Variants in ARHGAP6 observed in about 807,000 individuals in gnomAD.
ARHGAP6 encodes the protein Rho GTPase activating protein 6, also known as rho GTPase-activating protein 6.
Under a neutral mutation model 55.7 loss-of-function variants are expected in ARHGAP6, and 16 were observed. The ratio of observed to expected loss-of-function variants is 0.29; its 90% CI spans 0.19 to 0.44. The LOEUF (loss-of-function observed/expected upper bound fraction) is 0.44, where lower values mean the gene tolerates loss of function less well. Ranked by LOEUF, ARHGAP6 falls within the 20% of genes least tolerant of loss-of-function variation. The pLI is 1.00. For missense variants in ARHGAP6, 698 were observed against 808.9 expected (o/e 0.86, Z 1.66); for synonymous variants, 382 against 360.9 (o/e 1.06, Z -0.66).
Position 11,174,568 on chromosome X carries a change from TCCTTCC to T in ARHGAP6, c.1629+3526_1629+3531del, listed in dbSNP as rs1226056364. On this transcript the variant is annotated intron_variant, in intron 8 of 12. Coordinates refer to ENST00000337414, the MANE Select transcript of ARHGAP6 (RefSeq NM_013427.3). ...TTCCTTCCTTCCTTCCTTCCTTCCT[TCCTTCC>T]TTTCTTTCTTTCTTTCTTTTTCTTT... Among the ~76,000 whole-genome samples, 28 of 73,329 alleles carry T rather than the reference TCCTTCC, an allele frequency of 3.8e-4. 1 individual carries two copies. The highest frequency in any genetic ancestry group is 7.1e-4 in the South Asian group (1 of 1,416). The allele number at this position is 73,329 out of a possible 115,157, so 63.7% of individuals were successfully genotyped here. A position where few individuals can be genotyped will look rare whatever the true frequency, so the allele number is the denominator to read the frequency against.
intron 1 of ARHGAP6, among the ~76,000 whole-genome samples, chrX:11,411,897 T>G (rs1258654486): frequency 9.0e-6 from 1 of 111,404 alleles, no homozygotes; most frequent in African/African-American, 3.3e-5. Context: ...CAATCCAATT[T>G]GAGAACATTT....
intron 1 of ARHGAP6, among the ~76,000 whole-genome samples, chrX:11,303,998 A>G (rs2048204402): frequency 8.9e-6 from 1 of 112,106 alleles, no homozygotes; most frequent in African/African-American, 3.2e-5. Flanking sequence ...GTAGACTCCC[A>G]AAGAGAACAC....
chrX:11,627,599 C>T (rs760715559), intron 1 of ARHGAP6, among the ~76,000 whole-genome samples: 1 of 111,186 alleles, frequency 9.0e-6, no homozygotes, highest in East Asian at 2.8e-4. Context: ...TATTATTATG[C>T]TTCTCCCAGT....
At chrX:11,412,760 A>G (rs1372048714) in intron 1 of ARHGAP6, among the ~76,000 whole-genome samples, 2 of 112,432 alleles carry the variant, frequency 1.8e-5, no homozygotes, top group Non-Finnish European at 3.8e-5. Context: ...TCATGTATGC[A>G]TATATCATAG....
chrX:11,185,277 TAAAATTTTGTATAAAC>T (rs1283601411), intron 5 of ARHGAP6, among the ~76,000 whole-genome samples: 1 of 111,422 alleles, frequency 9.0e-6, no homozygotes, highest in East Asian at 2.8e-4. Flanking sequence ...AACCTACACT[TAAAATTTTGTATAAAC>T]AAATAAGATT....
chrX:11,468,431 C>T (rs1378333126), intron 1 of ARHGAP6, among the ~76,000 whole-genome samples: 7 of 112,068 alleles, frequency 6.2e-5, no homozygotes, highest in Non-Finnish European at 1.1e-4. Flanking sequence ...TCTCTTTCAT[C>T]GGCTTTTTCT....
rs761497504 is a variant in ARHGAP6, at chrX:11,537,950, T to TA, written c.588+126290dup. Among the ~76,000 whole-genome samples the TA allele has an allele frequency of 7.9e-3, 809 of 102,108 alleles. 6 individuals are homozygous for TA. The highest frequency in any genetic ancestry group is 0.016 in the African/African-American group (464 of 28,324). The allele number at this position is 102,108 out of a possible 115,157, so 88.7% of individuals were successfully genotyped here. On this transcript the variant is annotated intron_variant, in intron 1 of 12. Transcript: ENST00000337414. ...TTTGACCTCAAGGAACTCCTGGGAA[T>TA]AAAAAAAAAAACCCAATAGTTCCTC... is the stretch of plus-strand genomic sequence containing the variant.
At chrX:11,593,942 C>G (rs2147134910) in intron 1 of ARHGAP6, among the ~76,000 whole-genome samples, 1 of 112,247 alleles carries the variant, frequency 8.9e-6, no homozygotes, top group South Asian at 3.7e-4. Context: ...ATGGTGGAAA[C>G]AGCATTAAAT....
intron 1 of ARHGAP6, among the ~76,000 whole-genome samples, chrX:11,631,431 TAGG>T (rs958810856): frequency 1.4e-4 from 15 of 109,002 alleles, no homozygotes; most frequent in African/African-American, 5.0e-4. Flanking sequence ...AGGCCAGAGG[TAGG>T]AGAATTGCTT....
intron 1 of ARHGAP6, among the ~76,000 whole-genome samples, chrX:11,325,189 A>T (rs968381263): frequency 5.3e-5 from 6 of 112,339 alleles, no homozygotes; most frequent in Middle Eastern, 9.4e-3. Context: ...AATAAGAAAA[A>T]TAAGAAAATG....
At chrX:11,598,459 G>C (rs1464432490) in intron 1 of ARHGAP6, among the ~76,000 whole-genome samples, 1 of 111,907 alleles carries the variant, frequency 8.9e-6, no homozygotes, top group Non-Finnish European at 1.9e-5. Context: ...CTGGCAGTGA[G>C]CAAAGTACCC....
chrX:11,625,458 G>A (rs749854743), intron 1 of ARHGAP6, among the ~76,000 whole-genome samples: 3 of 111,091 alleles, frequency 2.7e-5, no homozygotes, highest in Non-Finnish European at 3.8e-5. Context: ...AATACTTCAC[G>A]TTCTCACTCA....
At position 11,325,452 on chromosome X, in the gene ARHGAP6, T is replaced by C. The variant is rs181862512; in HGVS notation, c.589-70745A>G. Among the ~76,000 whole-genome samples, 600 of 112,317 alleles carry C rather than the reference T, an allele frequency of 5.3e-3. 2 individuals are homozygous for C. Among genetic ancestry groups the C allele is most frequent in the Non-Finnish European group, 9.5e-3 (506 of 53,263 alleles). On this transcript the variant is annotated intron_variant, in intron 1 of 12. Transcript: ENST00000337414. Reference sequence around the variant, plus strand: ...TTTTTCTGAATTGTTCATTTCTTTGTATAATTTTCTAATGAAGATTATTCA... The same window carrying C: ...TTTTTCTGAATTGTTCATTTCTTTGCATAATTTTCTAATGAAGATTATTCA...
intron 2 of ARHGAP6, among the ~76,000 whole-genome samples, chrX:11,200,505 G>C (rs1330553688): frequency 1.8e-5 from 2 of 112,506 alleles, no homozygotes; most frequent in Non-Finnish European, 3.8e-5. Flanking sequence ...TCTTGGGAAA[G>C]ACCAATACCA....
At chrX:11,341,432 A>G (rs1341512972) in intron 1 of ARHGAP6, among the ~76,000 whole-genome samples, 1 of 112,093 alleles carries the variant, frequency 8.9e-6, no homozygotes, top group African/African-American at 3.2e-5. Context: ...AAAGATAAAT[A>G]ATACAAGAAA....
At chrX:11,245,623 T>C (rs770464701) in intron 2 of ARHGAP6, among the ~76,000 whole-genome samples, 3 of 112,592 alleles carry the variant, frequency 2.7e-5, no homozygotes, top group African/African-American at 6.4e-5. Flanking sequence ...TTATAACCTA[T>C]TAATAAATCA....
intron 1 of ARHGAP6, among the ~76,000 whole-genome samples, chrX:11,566,605 C>G (rs956554146): frequency 8.9e-6 from 1 of 112,042 alleles, no homozygotes; most frequent in African/African-American, 3.2e-5. Flanking sequence ...TGATTATAAT[C>G]CTATTGTTTA....
intron 2 of ARHGAP6, among the ~76,000 whole-genome samples, chrX:11,249,671 A>G (rs2047397638): frequency 8.9e-6 from 1 of 111,870 alleles, no homozygotes; most frequent in South Asian, 3.7e-4. Flanking sequence ...TTTTTCTGTG[A>G]GCCACCTGTA....
intron 1 of ARHGAP6, among the ~76,000 whole-genome samples, chrX:11,450,624 C>G (rs993444256): frequency 1.8e-5 from 2 of 111,565 alleles, no homozygotes; most frequent in African/African-American, 6.5e-5. Flanking sequence ...ATCCGTTTTA[C>G]AGCATCAGAT....
Sources: gnomAD v4.1 joint callset for allele counts (sites outside exome capture counted in the v4.1 genomes callset) on GRCh38, gnomAD v4.1.1 for gene constraint, MANE v1.5 for transcripts, NCBI Gene and HGNC (gene_info 2026-07-23, HGNC 2026-07-21) for gene names.